Variants in VGLL4 observed in about 807,000 individuals in gnomAD.
VGLL4 encodes the protein vestigial like family member 4, also known as transcription cofactor vestigial-like protein 4.
Under a neutral mutation model 21.0 loss-of-function variants are expected in VGLL4, and 7 were observed. The observed-to-expected ratio is 0.33, with a 90% CI of 0.19 to 0.63. The LOEUF (loss-of-function observed/expected upper bound fraction) is 0.63, where lower values mean the gene tolerates loss of function less well. Among genes scored for constraint, VGLL4 ranks in the 20% least tolerant of loss-of-function variants. The pLI is 0.78. For missense variants in VGLL4, 394 were observed against 425.7 expected (o/e 0.93, Z 0.66); for synonymous variants, 222 against 173.2 (o/e 1.28, Z -2.21).
chr3:11,596,123 C>T (rs919650921), intron 2 of VGLL4, among the ~76,000 whole-genome samples: 1 of 152,010 alleles, frequency 6.6e-6, no homozygotes, highest in African/African-American at 2.4e-5. Context: ...GTGAACAAGA[C>T]AGGGTAGGGA....
At chr3:11,678,636 T>G (rs910615426) in intron 2 of VGLL4, among the ~76,000 whole-genome samples, 6 of 152,208 alleles carry the variant, frequency 3.9e-5, no homozygotes, top group African/African-American at 1.4e-4. Flanking sequence ...GAGGCTGCAG[T>G]GAGCCATGAT....
chr3:11,567,833 C>G (rs1045944591), intron 2 of VGLL4, among the ~76,000 whole-genome samples: 6 of 152,222 alleles, frequency 3.9e-5, no homozygotes, highest in Non-Finnish European at 7.3e-5. Context: ...GATAAAGATA[C>G]AATTTTATTG....
At chr3:11,614,605 C>A (rs1235040992) in intron 1 of VGLL4, among the ~76,000 whole-genome samples, 1 of 152,238 alleles carries the variant, frequency 6.6e-6, no homozygotes, top group East Asian at 1.9e-4. Flanking sequence ...TCTCAGCCAG[C>A]CATCCAGGTT....
At chr3:11,641,808 A>C (rs770253335) in intron 1 of VGLL4, among the ~76,000 whole-genome samples, 23 of 152,150 alleles carry the variant, frequency 1.5e-4, no homozygotes, top group Non-Finnish European at 2.1e-4. Context: ...TGCATGCTAC[A>C]CAACAACTCG....
At chr3:11,715,154 A>ATC (rs2076903619) in intron 1 of VGLL4, among the ~76,000 whole-genome samples, 4 of 150,660 alleles carry the variant, frequency 2.7e-5, no homozygotes, top group African/African-American at 9.7e-5. Context: ...AAAAAAAAAG[A>ATC]TGAATTTGCA....
chr3:11,665,007 A>C (rs1432305942), intron 2 of VGLL4, among the ~76,000 whole-genome samples: 1 of 151,716 alleles, frequency 6.6e-6, no homozygotes, highest in Admixed American at 6.6e-5. Flanking sequence ...AGATTGTCTT[A>C]AATGTCTCTA....
At chr3:11,580,942 A>G (rs975906794) in intron 2 of VGLL4, among the ~76,000 whole-genome samples, 1 of 152,190 alleles carries the variant, frequency 6.6e-6, no homozygotes, top group African/African-American at 2.4e-5. Context: ...GTTTCAAGTC[A>G]TCGGAGGATG....
Position 11,643,569 on chromosome 3 carries a change from T to G in VGLL4, c.-51A>C. 6.2e-7 allele frequency: 1 copy of G among 1,612,340 alleles called. No individual in the cohort carries two copies. Among genetic ancestry groups the G allele is most frequent in the Non-Finnish European group, 8.5e-7 (1 of 1,179,446 alleles). On this transcript the variant is annotated 5_prime_UTR_variant, in exon 1 of 5. Coordinates refer to ENST00000430365, the MANE Select transcript of VGLL4 (RefSeq NM_001128219.3). ...CTCTTTGCTTTTGCCCCAAAAGAGT[T>G]AAGTTTCAAAAATCAATTGTTGCTG...
chr3:11,654,497 G>A (rs2075926919), intron 2 of VGLL4, among the ~76,000 whole-genome samples: 1 of 152,200 alleles, frequency 6.6e-6, no homozygotes, highest in Admixed American at 6.5e-5. Flanking sequence ...AATAAGGGGA[G>A]TTTTTAGAGT....
rs1419801188 is a variant in VGLL4 at position 11,653,175 on chromosome 3, C to T, written c.64+49796G>A. Among the ~76,000 whole-genome samples, 4 of 152,210 alleles carry T rather than the reference C, an allele frequency of 2.6e-5. No individual in the cohort carries two copies. The highest frequency in any genetic ancestry group is 2.1e-4 in the South Asian group (1 of 4,826). On this transcript the variant is annotated intron_variant, in intron 2 of 5. Transcript: ENST00000273038. The surrounding 1 kb of genome is among the most constrained non-coding windows in gnomAD (Gnocchi z 4.2). ...ACAGTGCTTCATTCATTATGCAGCA[C>T]GCTAAGCACCTCCACAGTCATCCTT... is the stretch of plus-strand genomic sequence containing the variant.
At chr3:11,651,095 C>A (rs2075864842) in intron 2 of VGLL4, among the ~76,000 whole-genome samples, 1 of 152,052 alleles carries the variant, frequency 6.6e-6, no homozygotes, top group South Asian at 2.1e-4. Flanking sequence ...CGCCTGTAAT[C>A]CCAGCACTTT....
At chr3:11,638,356 C>T (rs1449894616) in intron 1 of VGLL4, among the ~76,000 whole-genome samples, 1 of 152,108 alleles carries the variant, frequency 6.6e-6, no homozygotes, top group Non-Finnish European at 1.5e-5. Context: ...AATAATCTTT[C>T]GAGAAGCGGG....
chr3:11,564,697 C>CCTCA (rs1447890385), intron 3 of VGLL4, 100 bp downstream of exon 3: 5 of 1,403,600 alleles, frequency 3.6e-6, no homozygotes, highest in East Asian at 5.1e-5. Flanking sequence ...CACCTCCCTC[C>CCTCA]CTCACCACCG....
chr3:11,714,761 C>G (rs2076895744), intron 1 of VGLL4, among the ~76,000 whole-genome samples: 1 of 152,074 alleles, frequency 6.6e-6, no homozygotes, highest in South Asian at 2.1e-4. Context: ...AATTTGAATA[C>G]TTATGTGAAT....
chr3:11,593,932 T>C (rs1168167885), intron 2 of VGLL4, among the ~76,000 whole-genome samples: 4 of 152,188 alleles, frequency 2.6e-5, no homozygotes, highest in South Asian at 2.1e-4. Context: ...CTAGTGACCA[T>C]GGCTTTGATC....
At position 11,719,446 on chromosome 3, in the gene VGLL4, G is replaced by C. The variant is rs1209773756; in HGVS notation, c.-14+948C>G. The C allele has an allele frequency of 6.6e-6, 1 of 151,460 alleles. No individual in the cohort carries two copies. Among genetic ancestry groups the C allele is most frequent in the Non-Finnish European group, 1.5e-5 (1 of 67,830 alleles). 9.4% of individuals were successfully genotyped at this position (151,460 alleles called of 1,614,324 possible). A position where few individuals can be genotyped will look rare whatever the true frequency, so the allele number is the denominator to read the frequency against. Reference sequence around the variant, plus strand: ...CGGCGGCTCTGGGCGCGCCCGCCTGGGGCCGGCCTGGCCCTGCGGGGGACC... The same window carrying C: ...CGGCGGCTCTGGGCGCGCCCGCCTGCGGCCGGCCTGGCCCTGCGGGGGACC... On this transcript the variant is annotated intron_variant, in intron 1 of 5. Coordinates refer to the VGLL4 transcript ENST00000273038. This position sits in a 1 kb window ranked among gnomAD's most constrained non-coding sequence, Gnocchi z 4.0.
intron 2 of VGLL4, among the ~76,000 whole-genome samples, chr3:11,664,014 G>A (rs2076073093): frequency 6.6e-6 from 1 of 152,176 alleles, no homozygotes; most frequent in South Asian, 2.1e-4. Flanking sequence ...CATTTTGGGA[G>A]TCCAAGGCGG....
In VGLL4 at chr3:11,601,847, G is replaced by C; in HGVS notation, c.258C>G (p.Ile86Met). The C allele has an allele frequency of 6.2e-7, 1 of 1,613,844 alleles. No individual in the cohort carries two copies. Among genetic ancestry groups the C allele is most frequent in the Non-Finnish European group, 8.5e-7 (1 of 1,179,868 alleles). ...GAGGAACTCACAGATGGGGGTTGAAGATGCGACTCATTTTGGAGACGTGGT... is the reference window on the plus strand; with the variant it reads ...GAGGAACTCACAGATGGGGGTTGAACATGCGACTCATTTTGGAGACGTGGT... Reference protein sequence around the residue: ...DNDHVSKMSRIFNPHLNKTAN... With the variant: ...DNDHVSKMSRMFNPHLNKTAN... The change falls in exon 2 of 5, where the codon ATC (isoleucine) becomes ATG (methionine). Residue 86 changes from isoleucine to methionine, a missense_variant. By Grantham distance (10) the Ile-to-Met change is conservative (BLOSUM62 1). Transcript: ENST00000430365.
intron 2 of VGLL4, among the ~76,000 whole-genome samples, chr3:11,595,899 G>T (rs2074628705): frequency 6.6e-6 from 1 of 151,118 alleles, no homozygotes; most frequent in African/African-American, 2.4e-5. Flanking sequence ...CAAGTTAATG[G>T]GTGCAGCACA....
Sources: gnomAD v4.1 joint callset for allele counts (sites outside exome capture counted in the v4.1 genomes callset) on GRCh38, gnomAD v4.1.1 for gene constraint, Gnocchi (gnomAD v3.1) non-coding constraint, MANE v1.5 for transcripts, NCBI Gene and HGNC (gene_info 2026-07-23, HGNC 2026-07-21) for gene names.